The following GRK3 variants were observed in gnomAD, a reference collection of about 807,000 sequenced individuals.
GRK3 encodes the protein G protein-coupled receptor kinase 3, also known as adrenergic, beta, receptor kinase 2.
GRK3 carries 54 observed loss-of-function variants against 95.7 expected under a neutral mutation model. The observed-to-expected ratio is 0.56, with a 90% confidence interval of 0.45 to 0.71. The LOEUF is 0.71. Ranked by LOEUF, GRK3 falls within the 30% of genes least tolerant of loss-of-function variation. The pLI is 0.00. For missense variants in GRK3, 649 were observed against 851.2 expected (o/e 0.76, Z 2.96); for synonymous variants, 281 against 290.8 (o/e 0.97, Z 0.34).
chr22:25,649,393 C>A (rs1210770587), intron 3 of GRK3, among the ~76,000 whole-genome samples: 2 of 152,062 alleles, frequency 1.3e-5, no homozygotes, highest in Admixed American at 1.3e-4. Context: ...CTTTTTTTTA[C>A]CCCAAGTATT....
At chr22:25,696,816 G>A (rs1267274756) in intron 13 of GRK3, among the ~76,000 whole-genome samples, 1 of 152,184 alleles carries the variant, frequency 6.6e-6, no homozygotes, top group African/African-American at 2.4e-5. Flanking sequence ...TTGTATTATT[G>A]CTTAGAAAGT....
intron 2 of GRK3, among the ~76,000 whole-genome samples, chr22:25,627,156 G>A (rs1394490057): frequency 1.3e-5 from 2 of 152,114 alleles, no homozygotes; most frequent in Non-Finnish European, 2.9e-5. Flanking sequence ...GGGAGAAAGA[G>A]TTTCTTCTCT....
chr22:25,589,278 T>C (rs1932418154), intron 1 of GRK3, among the ~76,000 whole-genome samples: 1 of 152,246 alleles, frequency 6.6e-6, no homozygotes. Flanking sequence ...AGCAGTGTCC[T>C]AAACATTGTA....
At chr22:25,677,377 TAAA>T (rs376997700) in intron 8 of GRK3, among the ~76,000 whole-genome samples, 1 of 42,552 alleles carries the variant, frequency 2.4e-5, no homozygotes, top group Non-Finnish European at 4.3e-5. Context: ...CCCCATATCT[TAAA>T]AAAAAAAAAA....
intron 4 of GRK3, 135 bp from the exon 5 acceptor site, chr22:25,663,495 G>T: frequency 5.2e-6 from 3 of 581,876 alleles, no homozygotes; most frequent in South Asian, 5.6e-5. Flanking sequence ...GATTTTTAAA[G>T]AATGTTTGTT....
intron 18 of GRK3, among the ~76,000 whole-genome samples, chr22:25,715,694 T>C (rs1476416713): frequency 2.6e-5 from 4 of 152,230 alleles, no homozygotes; most frequent in Admixed American, 6.5e-5. Context: ...AGTCGATGAT[T>C]ATGTTAAGAT....
At chr22:25,670,881 CAA>C (rs71191074) in intron 6 of GRK3, among the ~76,000 whole-genome samples, 1,247 of 65,656 alleles carry the variant, frequency 0.019, 7 homozygotes, top group Middle Eastern at 0.09. Flanking sequence ...ACTAAAAATA[CAA>C]AAAAAAAAAA....
At chr22:25,581,705 T>C (rs528858464) in intron 1 of GRK3, among the ~76,000 whole-genome samples, 3 of 152,262 alleles carry the variant, frequency 2.0e-5, no homozygotes, top group Non-Finnish European at 2.9e-5. Context: ...GATCATACTT[T>C]AGAAAACGAT....
chr22:25,660,961 A>T (rs538063835), intron 3 of GRK3, among the ~76,000 whole-genome samples: 1 of 152,342 alleles, frequency 6.6e-6, no homozygotes, highest in South Asian at 2.1e-4. Context: ...TTTGCTGAAT[A>T]CAGCAAAATA....
At chr22:25,671,370 C>T (rs979035876) in intron 6 of GRK3, among the ~76,000 whole-genome samples, 2 of 152,138 alleles carry the variant, frequency 1.3e-5, no homozygotes, top group African/African-American at 2.4e-5. Flanking sequence ...AAAAGACCCA[C>T]CTTACAGATA....
At chr22:25,719,533 C>T (rs528623103) in intron 19 of GRK3, among the ~76,000 whole-genome samples, 2 of 152,252 alleles carry the variant, frequency 1.3e-5, no homozygotes, top group East Asian at 3.9e-4. Context: ...AAGATCCTTT[C>T]GAGAGCTAAT....
In GRK3 at chr22:25,572,008, TC is replaced by T. The variant is rs953212484; in HGVS notation, c.113+6861del. Reference sequence around the variant, plus strand: ...TTCTCCCAATGCTATCCCTACCCCTTCCCCCCGCCCCATGATAGACCCTGGT... The same window carrying T: ...TTCTCCCAATGCTATCCCTACCCCTTCCCCCGCCCCATGATAGACCCTGGT... On this transcript the variant is annotated intron_variant, in intron 1 of 20. Transcript: ENST00000324198. Among the ~76,000 whole-genome samples the T allele has an allele frequency of 2.6e-5, 4 of 151,546 alleles. No individual in the cohort carries two copies. In the East Asian group the frequency reaches 5.8e-4, roughly 22 times the overall value.
At chr22:25,606,257 G>A (rs1366942667) in intron 2 of GRK3, among the ~76,000 whole-genome samples, 2 of 152,196 alleles carry the variant, frequency 1.3e-5, no homozygotes, top group Non-Finnish European at 2.9e-5. Flanking sequence ...CCTTCAATTC[G>A]TGACCTTGGA....
chr22:25,694,969 T>C lies in GRK3; in HGVS notation c.1053-138T>C, dbSNP rs1202766074. The C allele has an allele frequency of 1.6e-5, 9 of 575,234 alleles. No individual in the cohort carries two copies. The South Asian group carries it at 2.0e-4, about 13-fold the overall frequency. The allele number at this position is 575,234 out of a possible 1,614,324, so 35.6% of individuals were successfully genotyped here. A position where few individuals can be genotyped will look rare whatever the true frequency, so the allele number is the denominator to read the frequency against. On this transcript the variant is annotated intron_variant, in intron 12 of 20. Coordinates refer to ENST00000324198, the MANE Select transcript of GRK3 (RefSeq NM_005160.4). ...CATTGGATGTTCAGTGCATCACGTT[T>C]GCGGTGAAGCACAACTGTCCCCTCT...
chr22:25,652,471 TGTC>T (rs2084839271), intron 3 of GRK3, among the ~76,000 whole-genome samples: 1 of 152,152 alleles, frequency 6.6e-6, no homozygotes, highest in Non-Finnish European at 1.5e-5. Context: ...AAAACAATAA[TGTC>T]GTGTTTCTCG....
intron 13 of GRK3, among the ~76,000 whole-genome samples, chr22:25,700,665 G>A (rs2085251346): frequency 6.6e-6 from 1 of 152,168 alleles, no homozygotes; most frequent in South Asian, 2.1e-4. Context: ...TTGGCTCACT[G>A]CAAGCTCTGC....
intron 1 of GRK3, among the ~76,000 whole-genome samples, chr22:25,575,176 G>C (rs573388198): frequency 6.6e-6 from 1 of 152,310 alleles, no homozygotes; most frequent in African/African-American, 2.4e-5. Context: ...TAAGTAAGGT[G>C]ACCTGCTTGA....
At chr22:25,604,748 G>A (rs1269861601) in intron 2 of GRK3, among the ~76,000 whole-genome samples, 3 of 152,188 alleles carry the variant, frequency 2.0e-5, no homozygotes, top group Non-Finnish European at 4.4e-5. Context: ...TGCCTGCCTC[G>A]TGGTTACTGA....
At chr22:25,712,083 C>T (rs978989585) in intron 17 of GRK3, among the ~76,000 whole-genome samples, 8 of 152,330 alleles carry the variant, frequency 5.3e-5, no homozygotes, top group South Asian at 4.1e-4. Context: ...AGCATGTACA[C>T]GCCAAGTGCA....
Sources: gnomAD v4.1 joint callset for allele counts (sites outside exome capture counted in the v4.1 genomes callset) on GRCh38, gnomAD v4.1.1 for gene constraint, MANE v1.5 for transcripts, NCBI Gene and HGNC (gene_info 2026-07-23, HGNC 2026-07-21) for gene names.